The following TEX9 variants were observed in gnomAD, a reference collection of about 807,000 sequenced individuals.
The protein encoded by TEX9 is testis-expressed protein 9.
A neutral mutation model predicts 59.6 loss-of-function variants in TEX9; 74 were observed. The observed-to-expected ratio is 1.24, with a 90% CI of 1.03 to 1.51. TEX9 has a LOEUF of 1.51. Among genes scored for constraint, TEX9 ranks in the 40% most tolerant of loss-of-function variants. The probability of loss-of-function intolerance (pLI) is 0.00; values close to 1 mark genes in which losing one functional copy is unlikely to be tolerated. For synonymous variants in TEX9, 186 were observed against 152.2 expected (o/e 1.22, Z -1.64); for missense variants, 522 against 447.8 (o/e 1.17, Z -1.49).
At chr15:56,415,191 T>C (rs2049610780) in intron 10 of TEX9, among the ~76,000 whole-genome samples, 1 of 151,638 alleles carries the variant, frequency 6.6e-6, no homozygotes, top group Non-Finnish European at 1.5e-5. Flanking sequence ...AGGTGGTCTT[T>C]TTACTCTGCC....
chr15:56,416,916 C>T (rs2049715338), intron 10 of TEX9, among the ~76,000 whole-genome samples: 1 of 151,752 alleles, frequency 6.6e-6, no homozygotes, highest in South Asian at 2.1e-4. Flanking sequence ...GATTCAGTTT[C>T]TTCCTGGTTC....
chr15:56,361,645 T>G (rs1281281998), upstream of TEX9, among the ~76,000 whole-genome samples: 1 of 152,170 alleles, frequency 6.6e-6, no homozygotes, highest in African/African-American at 2.4e-5. Flanking sequence ...CCCCAGTACC[T>G]GTGAATATGG....
chr15:56,405,023 C>A (rs754060183), intron 9 of TEX9, among the ~76,000 whole-genome samples: 7 of 152,010 alleles, frequency 4.6e-5, no homozygotes, highest in Non-Finnish European at 7.4e-5. Flanking sequence ...GGAGAAATAC[C>A]TAATGTAAAT....
At chr15:56,333,978 T>A (rs1051496009) in intron 1 of TEX9, among the ~76,000 whole-genome samples, 1 of 151,840 alleles carries the variant, frequency 6.6e-6, no homozygotes. Context: ...ACCTCTACAG[T>A]GAAAATTGTA....
At position 56,295,073 on chromosome 15, in the gene TEX9, T is replaced by C. The variant is rs187184480; in HGVS notation, c.-107+50795T>C. Reference sequence around the variant, plus strand: ...TTTTTCCTTAACTAGTAATAAACTATATATTTTTAATTCTATAATATAAGC... The same window carrying C: ...TTTTTCCTTAACTAGTAATAAACTACATATTTTTAATTCTATAATATAAGC... On this transcript the variant is annotated intron_variant, in intron 1 of 5. Coordinates refer to the TEX9 transcript ENST00000560827. Among the ~76,000 whole-genome samples the C allele has an allele frequency of 1.5e-4, 23 of 152,242 alleles. 1 individual carries two copies. In the East Asian group the frequency reaches 3.7e-3, roughly 24 times the overall value.
intron 12 of TEX9, among the ~76,000 whole-genome samples, chr15:56,433,529 C>T (rs1423650336): frequency 1.3e-5 from 2 of 152,136 alleles, no homozygotes; most frequent in Admixed American, 6.5e-5. Context: ...CCATCAATTC[C>T]GTATCCTTAA....
intron 12 of TEX9, chr15:56,443,970 A>T: frequency 1.2e-6 from 1 of 819,944 alleles, no homozygotes; most frequent in Non-Finnish European, 1.8e-6. Flanking sequence ...TCGTGCATGC[A>T]ACAAACATTT....
intron 1 of TEX9, chr15:56,274,528 C>G (rs1400741895): frequency 6.6e-6 from 1 of 152,058 alleles, no homozygotes; most frequent in African/African-American, 2.4e-5. Flanking sequence ...CTCTTTCTCT[C>G]TTTTTTAATG....
the TEX9 span, among the ~76,000 whole-genome samples, chr15:56,460,009 A>AAAAAAAAAAAAAAT: frequency 4.3e-3 from 113 of 26,376 alleles, 21 homozygotes; most frequent in African/African-American, 0.014. Flanking sequence ...AAAAAAAAAA[A>AAAAAAAAAAAAAAT]ATACATATAT....
At chr15:56,301,094 G>C (rs1307165271) in intron 1 of TEX9, among the ~76,000 whole-genome samples, 1 of 152,134 alleles carries the variant, frequency 6.6e-6, no homozygotes, top group Non-Finnish European at 1.5e-5. Context: ...TTTTGAGAAA[G>C]CTCAATGAAA....
At chr15:56,298,721 A>C (rs1180305371) in intron 1 of TEX9, among the ~76,000 whole-genome samples, 2 of 151,986 alleles carry the variant, frequency 1.3e-5, no homozygotes, top group South Asian at 4.2e-4. Flanking sequence ...CTGGTTTACC[A>C]CTCTAATGAA....
chr15:56,331,851 C>G, intron 1 of TEX9, among the ~76,000 whole-genome samples: 1 of 147,916 alleles, frequency 6.8e-6, no homozygotes, highest in Non-Finnish European at 1.5e-5. Context: ...TTTATGCAGC[C>G]AAAAAACACA....
chr15:56,372,632 A>G (rs1789151215), intron 2 of TEX9, among the ~76,000 whole-genome samples: 4 of 152,212 alleles, frequency 2.6e-5, no homozygotes, highest in Admixed American at 2.6e-4. Context: ...ACGTGAAGAT[A>G]GATATTCCTT....
chr15:56,245,722 A>G (rs1346874575), intron 1 of TEX9, among the ~76,000 whole-genome samples: 1 of 152,200 alleles, frequency 6.6e-6, no homozygotes, highest in Non-Finnish European at 1.5e-5. Context: ...TACAGATGAA[A>G]TGGAAGCTTA....
intron 1 of TEX9, among the ~76,000 whole-genome samples, chr15:56,318,937 A>T (rs2141681445): frequency 6.6e-6 from 1 of 152,246 alleles, no homozygotes; most frequent in East Asian, 1.9e-4. Context: ...AGATTAAAGA[A>T]CTCTACGCTA....
rs1372614069 is a variant in TEX9, at chr15:56,315,979, C to T, written c.-106-57462C>T. Among the ~76,000 whole-genome samples, 20 of 151,718 alleles carry T rather than the reference C, an allele frequency of 1.3e-4. 1 individual carries two copies. Among genetic ancestry groups the T allele is most frequent in the Admixed American group, 4.6e-4 (7 of 15,120 alleles). On this transcript the variant is annotated intron_variant, in intron 1 of 5. Transcript: ENST00000560827. ...GCTTCTGCATTCTTCACGTAGCTCT[C>T]GAGCCTTGGTTTTCAGCTCCATCAG...
At chr15:56,394,193 A>G (rs1177839335) in exon 8 of TEX9, 1 of 1,608,578 alleles carries the variant, frequency 6.2e-7, no homozygotes, top group Non-Finnish European at 8.5e-7. Flanking sequence ...TAAAGGCCAA[A>G]CTCCATGTTA....
chr15:56,316,375 G>T (rs1477788286), intron 1 of TEX9, among the ~76,000 whole-genome samples: 1 of 151,896 alleles, frequency 6.6e-6, no homozygotes, highest in African/African-American at 2.4e-5. Flanking sequence ...TTACAGAGAG[G>T]ACCCTCAGCT....
At chr15:56,372,130 CT>C (rs143882969) in intron 2 of TEX9, among the ~76,000 whole-genome samples, 3,466 of 152,206 alleles carry the variant, frequency 0.023, 129 homozygotes, top group African/African-American at 0.078. Flanking sequence ...TCTTGGTCCA[CT>C]ATATTAATTG....
Sources: allele counts gnomAD v4.1 joint callset (sites outside exome capture counted in the v4.1 genomes callset), GRCh38; gene constraint gnomAD v4.1.1; transcripts MANE v1.5; gene names NCBI Gene and HGNC (gene_info 2026-07-23, HGNC 2026-07-21).